Variants in OXNAD1 observed in about 807,000 individuals in gnomAD.
OXNAD1 encodes oxidoreductase NAD binding domain containing 1.
In OXNAD1, 34 loss-of-function variants were observed where a neutral mutation model predicts 32.9. That is an observed-to-expected ratio of 1.03 (90% CI 0.79 to 1.38). The LOEUF (loss-of-function observed/expected upper bound fraction) is 1.38, where lower values mean the gene tolerates loss of function less well. Ranked by LOEUF, OXNAD1 falls within the 40% of genes most tolerant of loss-of-function variation. The pLI, the probability that OXNAD1 is intolerant of heterozygous loss-of-function variation, is 0.00. For missense variants in OXNAD1, 407 were observed against 379.4 expected, an observed-to-expected ratio of 1.07 and a Z score of -0.60; for synonymous variants, 134 against 135.2, an observed-to-expected ratio of 0.99 and a Z score of 0.06.
chr3:16,286,472 T>A (rs1411691220), intron 5 of OXNAD1, 24 bp downstream of exon 5: 1 of 1,578,912 alleles, frequency 6.3e-7, no homozygotes, highest in African/African-American at 1.3e-5. Flanking sequence ...CTGTGTTCCA[T>A]GTATGTATGT....
At chr3:16,333,077 G>A (rs1167251018) in intron 9 of OXNAD1, among the ~76,000 whole-genome samples, 1 of 152,206 alleles carries the variant, frequency 6.6e-6, no homozygotes, top group East Asian at 1.9e-4. Context: ...TATAACTCAT[G>A]CCTGAACAAA....
chr3:16,277,407 C>T lies in OXNAD1; in HGVS notation c.183+5685C>T, dbSNP rs1016783649. Among the ~76,000 whole-genome samples the T allele has an allele frequency of 1.3e-5, 2 of 152,148 alleles. No homozygotes were observed. The highest frequency in any genetic ancestry group is 6.5e-5 in the Admixed American group (1 of 15,282). Reference sequence around the variant, plus strand: ...TAGAGTAGGGGCTGGACCCTGGACTCGTTGAAATGAATGGCACCTCAGGTT... The same window carrying T: ...TAGAGTAGGGGCTGGACCCTGGACTTGTTGAAATGAATGGCACCTCAGGTT... On this transcript the variant is annotated intron_variant, in intron 4 of 8. Coordinates refer to ENST00000285083, the MANE Select transcript of OXNAD1 (RefSeq NM_138381.5). The surrounding 1 kb of genome is among the most constrained non-coding windows in gnomAD (Gnocchi z 4.3).
Position 16,297,612 on chromosome 3 carries a change from G to C in OXNAD1, c.432+2615G>C, listed in dbSNP as rs1053537493. Among the ~76,000 whole-genome samples the C allele has an allele frequency of 2.6e-5, 4 of 152,204 alleles. No homozygotes were observed. The highest frequency in any genetic ancestry group is 1.3e-4 in the Admixed American group (2 of 15,278). Reference sequence around the variant, plus strand: ...GAAACAACCCAAATGTCCCTCAGCAGGTGAATGGATAACTTGTGATATAGT... The same window carrying C: ...GAAACAACCCAAATGTCCCTCAGCACGTGAATGGATAACTTGTGATATAGT... On this transcript the variant is annotated intron_variant, in intron 6 of 8. Transcript: ENST00000285083. This position sits in a 1 kb window ranked among gnomAD's most constrained non-coding sequence, Gnocchi z 4.3.
chr3:16,282,174 A>G (rs1247756461), intron 4 of OXNAD1, among the ~76,000 whole-genome samples: 1 of 151,322 alleles, frequency 6.6e-6, no homozygotes, highest in Non-Finnish European at 1.5e-5. Flanking sequence ...GAAAAGGGGA[A>G]TAATGAAGTA....
At chr3:16,274,385 A>G (rs979451054) in intron 4 of OXNAD1, among the ~76,000 whole-genome samples, 3 of 152,196 alleles carry the variant, frequency 2.0e-5, no homozygotes, top group Admixed American at 1.3e-4. Flanking sequence ...AACTCGGCTA[A>G]GGGGCAGTTC....
At chr3:16,267,519 G>GC (rs1331429779) in intron 1 of OXNAD1, among the ~76,000 whole-genome samples, 1 of 78,740 alleles carries the variant, frequency 1.3e-5, no homozygotes, top group Non-Finnish European at 2.4e-5. Flanking sequence ...TTATTTCTGT[G>GC]TTGGACCTTT....
intron 4 of OXNAD1, among the ~76,000 whole-genome samples, chr3:16,279,122 C>G (rs998760437): frequency 1.3e-5 from 2 of 152,326 alleles, no homozygotes; most frequent in African/African-American, 4.8e-5. Flanking sequence ...GATGATCCAG[C>G]CTGGGATGAG....
chr3:16,333,281 C>G (rs1207839881), intron 9 of OXNAD1, among the ~76,000 whole-genome samples: 1 of 152,230 alleles, frequency 6.6e-6, no homozygotes. Context: ...AACATTGAAA[C>G]CAGGCACAAT....
In OXNAD1 at chr3:16,302,828, ATTG is replaced by A. The variant is rs780182383; in HGVS notation, c.784+84_784+86del. On this transcript the variant is annotated intron_variant, in intron 8 of 8. Coordinates refer to ENST00000285083, the MANE Select transcript of OXNAD1 (RefSeq NM_138381.5). The surrounding 1 kb of genome is among the most constrained non-coding windows in gnomAD (Gnocchi z 4.2). ...CCAGTTGGTTGAGCGTAGATGCTTT[ATTG>A]TTGGAAGCTGCTGGCTGGGAATGTC... is the stretch of plus-strand genomic sequence containing the variant. The A allele has an allele frequency of 4.6e-5, 48 of 1,053,368 alleles. No homozygotes were observed. The East Asian group carries it at 8.0e-4, about 18-fold the overall frequency. The allele number at this position is 1,053,368 out of a possible 1,614,324, so 65.3% of individuals were successfully genotyped here. A position where few individuals can be genotyped will look rare whatever the true frequency, so the allele number is the denominator to read the frequency against.
At position 16,316,642 on chromosome 3, in the gene OXNAD1, T is replaced by A. The variant is rs1275448139; in HGVS notation, c.*30+13050T>A. ...TCATTAATGACACCTTTCCAGTGGA[T>A]GTGCAAAAACCAACACTGTCAGGAA... On this transcript the variant is annotated intron_variant, in intron 9 of 9. Coordinates refer to the OXNAD1 transcript ENST00000435829. This position sits in a 1 kb window ranked among gnomAD's most constrained non-coding sequence, Gnocchi z 4.5. 61 of 689,812 alleles carry A rather than the reference T, an allele frequency of 8.8e-5. No individual in the cohort carries two copies. Among genetic ancestry groups the A allele is most frequent in the Non-Finnish European group, 7.4e-5 (29 of 391,888 alleles). 42.7% of individuals were successfully genotyped at this position (689,812 alleles called of 1,614,324 possible). A position where few individuals can be genotyped will look rare whatever the true frequency, so the allele number is the denominator to read the frequency against.
rs1006411297 is a variant in OXNAD1, at chr3:16,344,939, C to G, written c.*31-4237C>G. 5.3e-5 allele frequency among the ~76,000 whole-genome samples: 8 copies of G among 152,234 alleles called. No homozygotes were observed. The highest frequency in any genetic ancestry group is 1.0e-4 in the Non-Finnish European group (7 of 68,044). Reference sequence around the variant, plus strand: ...TTCTCTCTGGAGAACCATTTGCCCTCTCTTCATCTGTGGCTCTCAAACTAT... The same window carrying G: ...TTCTCTCTGGAGAACCATTTGCCCTGTCTTCATCTGTGGCTCTCAAACTAT... On this transcript the variant is annotated intron_variant, in intron 9 of 9. Coordinates refer to the OXNAD1 transcript ENST00000606098. This position sits in a 1 kb window ranked among gnomAD's most constrained non-coding sequence, Gnocchi z 4.4.
intron 6 of OXNAD1, among the ~76,000 whole-genome samples, chr3:16,296,590 A>G (rs1302791471): frequency 6.6e-6 from 1 of 152,232 alleles, no homozygotes; most frequent in African/African-American, 2.4e-5. Context: ...ACAGCATTCA[A>G]AACAGTATGG....
rs1314089048 is a variant in OXNAD1, at chr3:16,301,818, A to G, written c.625A>G (p.Thr209Ala). ...ANKRNGYEIGTIKLFYSAKNT... is the reference protein window; with the variant it reads ...ANKRNGYEIGAIKLFYSAKNT... ...CAAAAGAAATGGATATGAGATAGGA[A>G]CAATAAAACTATTCTACAGTGCAAA... The change falls in exon 7 of 9, where the codon ACA becomes GCA. Residue 209 changes from threonine (T) to alanine (A), a missense_variant. Thr to Ala is a moderately conservative substitution (Grantham distance 58, BLOSUM62 0). Transcript: ENST00000285083. The surrounding 1 kb of genome is among the most constrained non-coding windows in gnomAD (Gnocchi z 4.1). The G allele has an allele frequency of 1.2e-6, 2 of 1,614,112 alleles. No homozygotes were observed. The highest frequency in any genetic ancestry group is 2.2e-5 in the South Asian group (2 of 91,084).
chr3:16,271,308 A>AT lies in OXNAD1; in HGVS notation c.119+239dup. 1.8e-6 allele frequency: 1 copy of AT among 562,026 alleles called. No individual in the cohort carries two copies. Among genetic ancestry groups the AT allele is most frequent in the Non-Finnish European group, 3.1e-6 (1 of 322,114 alleles). 34.8% of individuals were successfully genotyped at this position (562,026 alleles called of 1,614,324 possible). A position where few individuals can be genotyped will look rare whatever the true frequency, so the allele number is the denominator to read the frequency against. On this transcript the variant is annotated intron_variant, in intron 3 of 8. Coordinates refer to ENST00000285083, the MANE Select transcript of OXNAD1 (RefSeq NM_138381.5). The surrounding 1 kb of genome is among the most constrained non-coding windows in gnomAD (Gnocchi z 4.6). The stretch of plus-strand genomic sequence containing the variant: ...AACCTCCACCTCCTGGATTCAAGTG[A>AT]TTCTCCTGTCTTAGCCTCCCGAGTA...
rs1250869146 is a variant in OXNAD1, at chr3:16,281,183, A to G, written c.184-5159A>G. On this transcript the variant is annotated intron_variant, in intron 4 of 8. Coordinates refer to ENST00000285083, the MANE Select transcript of OXNAD1 (RefSeq NM_138381.5). ...TTAATCCACATTGCTAGAAATCTATATAGTATACAGCATTTGTGTTAAGCA... is the reference window on the plus strand; with the variant it reads ...TTAATCCACATTGCTAGAAATCTATGTAGTATACAGCATTTGTGTTAAGCA... Among the ~76,000 whole-genome samples, 9 of 152,370 alleles carry G rather than the reference A, an allele frequency of 5.9e-5. No homozygotes were observed. The East Asian group carries it at 1.3e-3, about 23-fold the overall frequency.
At chr3:16,286,283 ATT>A (rs1345701513) in intron 4 of OXNAD1, 57 bp from the exon 5 acceptor site, 12 of 1,328,812 alleles carry the variant, frequency 9.0e-6, no homozygotes, top group Non-Finnish European at 1.2e-5. Context: ...GGATGCCACC[ATT>A]TGTCCCTTGT....
chr3:16,320,954 A>C lies in OXNAD1; in HGVS notation c.*31-16158A>C, dbSNP rs1246968488. 6.6e-6 allele frequency among the ~76,000 whole-genome samples: 1 copy of C among 152,222 alleles called. No homozygotes were observed. Among genetic ancestry groups the C allele is most frequent in the African/African-American group, 2.4e-5 (1 of 41,456 alleles). On this transcript the variant is annotated intron_variant, in intron 9 of 9. Coordinates refer to the OXNAD1 transcript ENST00000435829. The surrounding 1 kb of genome is among the most constrained non-coding windows in gnomAD (Gnocchi z 4.5). ...GGGCTCTGAATAGGGAACCTATTTG[A>C]AGGGGATATCTATTATTAGGAGATT...
intron 9 of OXNAD1, among the ~76,000 whole-genome samples, chr3:16,347,128 G>A (rs1462554249): frequency 6.6e-6 from 1 of 152,148 alleles, no homozygotes; most frequent in East Asian, 1.9e-4. Context: ...TTGTCCCAGT[G>A]TACAGCTCTC....
Position 16,289,384 on chromosome 3 carries a change from G to T in OXNAD1, c.290+2936G>T, listed in dbSNP as rs1488527559. Among the ~76,000 whole-genome samples the T allele has an allele frequency of 6.6e-6, 1 of 152,152 alleles. No homozygotes were observed. The highest frequency in any genetic ancestry group is 2.4e-5 in the African/African-American group (1 of 41,422). ...GCTGGGTATAGCTTGCCTCCTGAGG[G>T]GAAGTAAGGCCAAAGCATTTTCACA... On this transcript the variant is annotated intron_variant, in intron 5 of 8. Transcript: ENST00000285083. This position sits in a 1 kb window ranked among gnomAD's most constrained non-coding sequence, Gnocchi z 4.9.
Sources: allele counts gnomAD v4.1 joint callset (sites outside exome capture counted in the v4.1 genomes callset), GRCh38; gene constraint gnomAD v4.1.1; non-coding constraint Gnocchi (gnomAD v3.1); transcripts MANE v1.5; gene names NCBI Gene and HGNC (gene_info 2026-07-23, HGNC 2026-07-21).